The following LHFPL2 variants were observed in gnomAD, a reference collection of about 807,000 sequenced individuals.
The protein encoded by LHFPL2 is LHFPL tetraspan subfamily member 2.
Under a neutral mutation model 17.5 loss-of-function variants are expected in LHFPL2, and 7 were observed. That is an observed-to-expected ratio of 0.40 (90% CI 0.23 to 0.75). The LOEUF is 0.75. LHFPL2 is among the 30% of genes least tolerant of loss of function. The pLI, the probability that LHFPL2 is intolerant of heterozygous loss-of-function variation, is 0.37. For synonymous variants in LHFPL2, 134 were observed against 116.2 expected, an observed-to-expected ratio of 1.15 and a Z score of -0.99; for missense variants, 241 against 294.8, an observed-to-expected ratio of 0.82 and a Z score of 1.34.
chr5:78,575,353 C>G (rs911676434), intron 2 of LHFPL2, among the ~76,000 whole-genome samples: 3 of 152,098 alleles, frequency 2.0e-5, no homozygotes, highest in South Asian at 4.1e-4. Flanking sequence ...TCGAGACCAT[C>G]CTGGCTAATA....
At chr5:78,579,490 C>A (rs557034875) in intron 2 of LHFPL2, among the ~76,000 whole-genome samples, 7 of 152,280 alleles carry the variant, frequency 4.6e-5, no homozygotes, top group Middle Eastern at 6.8e-3. Flanking sequence ...TAACCCTCCC[C>A]CCTTCCCCGA....
chr5:78,500,031 A>C (rs113399409), intron 4 of LHFPL2, among the ~76,000 whole-genome samples: 1,349 of 67,672 alleles, frequency 0.02, 14 homozygotes, highest in Non-Finnish European at 0.03. Context: ...AAGGAAAAAA[A>C]AAAAAAGGCA....
intron 3 of LHFPL2, among the ~76,000 whole-genome samples, chr5:78,529,215 G>A (rs1755708001): frequency 6.6e-6 from 1 of 152,164 alleles, no homozygotes. Flanking sequence ...GAGCCCAGGG[G>A]TTCAAGGCTG....
intron 2 of LHFPL2, among the ~76,000 whole-genome samples, chr5:78,601,020 C>T (rs569109563): frequency 1.5e-3 from 230 of 152,308 alleles, no homozygotes; most frequent in Non-Finnish European, 2.5e-3. Flanking sequence ...CAACACTTGA[C>T]CAGCATGTGT....
At chr5:78,613,109 G>A (rs1162496068) in intron 2 of LHFPL2, among the ~76,000 whole-genome samples, 4 of 152,214 alleles carry the variant, frequency 2.6e-5, no homozygotes, top group Non-Finnish European at 5.9e-5. Context: ...AGGGGCAGGG[G>A]CAAGGCCAAG....
At chr5:78,642,136 T>G (rs1745689670) in intron 1 of LHFPL2, 1 of 152,130 alleles carries the variant, frequency 6.6e-6, no homozygotes, top group South Asian at 2.1e-4. Flanking sequence ...GAGAGTGAGC[T>G]CTGGTCTCTC....
At chr5:78,602,036 C>T (rs1744038286) in intron 2 of LHFPL2, among the ~76,000 whole-genome samples, 1 of 152,130 alleles carries the variant, frequency 6.6e-6, no homozygotes. Context: ...AGACTTCCCC[C>T]TACTCCTCTC....
At chr5:78,515,640 C>T (rs1276250003) in intron 3 of LHFPL2, among the ~76,000 whole-genome samples, 4 of 152,216 alleles carry the variant, frequency 2.6e-5, no homozygotes, top group Non-Finnish European at 2.9e-5. Context: ...GTTCCTGGAC[C>T]ATCTCCCAGA....
intron 3 of LHFPL2, among the ~76,000 whole-genome samples, chr5:78,530,588 T>C (rs572728208): frequency 7.7e-4 from 118 of 152,334 alleles, no homozygotes; most frequent in African/African-American, 2.6e-3. Flanking sequence ...TGTGAGTCAG[T>C]GGTTCTTCCC....
chr5:78,620,498 T>G (rs1744812961), intron 2 of LHFPL2, among the ~76,000 whole-genome samples: 1 of 152,186 alleles, frequency 6.6e-6, no homozygotes, highest in African/African-American at 2.4e-5. Flanking sequence ...GAGCAACAGA[T>G]TGAAAAGCAC....
At chr5:78,531,415 A>C (rs1329573231) in intron 3 of LHFPL2, among the ~76,000 whole-genome samples, 1 of 93,504 alleles carries the variant, frequency 1.1e-5, no homozygotes, top group Non-Finnish European at 2.6e-5. Flanking sequence ...GCAAAACTCC[A>C]TCTCAAAAAA....
At chr5:78,511,108 A>AGG (rs1561313786) in intron 3 of LHFPL2, among the ~76,000 whole-genome samples, 3 of 147,448 alleles carry the variant, frequency 2.0e-5, no homozygotes, top group Non-Finnish European at 3.0e-5. Context: ...CAGAGGGGAA[A>AGG]AAAAAAAAAC....
intron 2 of LHFPL2, among the ~76,000 whole-genome samples, chr5:78,614,179 A>G (rs991187681): frequency 6.6e-6 from 1 of 152,266 alleles, no homozygotes; most frequent in African/African-American, 2.4e-5. Flanking sequence ...ATGGCTAGAC[A>G]GTCTTTGCCC....
At chr5:78,595,347 G>A (rs182467294) in intron 2 of LHFPL2, among the ~76,000 whole-genome samples, 4 of 152,284 alleles carry the variant, frequency 2.6e-5, no homozygotes, top group African/African-American at 9.6e-5. Context: ...CAGGTCAAAT[G>A]CAGTTTAAGC....
chr5:78,522,638 T>C (rs1755491674), intron 3 of LHFPL2, among the ~76,000 whole-genome samples: 1 of 152,174 alleles, frequency 6.6e-6, no homozygotes, highest in Non-Finnish European at 1.5e-5. Context: ...CACAACCAAT[T>C]GTCCAAGGTT....
chr5:78,582,512 C>A (rs1743185216), intron 2 of LHFPL2, among the ~76,000 whole-genome samples: 1 of 151,348 alleles, frequency 6.6e-6, no homozygotes, highest in South Asian at 2.1e-4. Context: ...TTTCAAAGAA[C>A]ATCTTTATTT....
At chr5:78,528,455 C>A (rs1755684162) in intron 3 of LHFPL2, among the ~76,000 whole-genome samples, 1 of 152,180 alleles carries the variant, frequency 6.6e-6, no homozygotes, top group Non-Finnish European at 1.5e-5. Context: ...GAATCTAATA[C>A]CTGATGATCT....
intron 3 of LHFPL2, among the ~76,000 whole-genome samples, chr5:78,547,250 C>T (rs1054123837): frequency 6.6e-6 from 1 of 152,242 alleles, no homozygotes; most frequent in Admixed American, 6.5e-5. Context: ...TCAGTAACAA[C>T]AGAGGCAGAG....
intron 3 of LHFPL2, among the ~76,000 whole-genome samples, chr5:78,538,649 C>G (rs1450165305): frequency 6.6e-6 from 1 of 152,212 alleles, no homozygotes; most frequent in East Asian, 1.9e-4. Context: ...ACAACAACAA[C>G]ACCTGCCCAT....
Sources: gnomAD v4.1 joint callset for allele counts (sites outside exome capture counted in the v4.1 genomes callset) on GRCh38, gnomAD v4.1.1 for gene constraint, MANE v1.5 for transcripts, NCBI Gene and HGNC (gene_info 2026-07-23, HGNC 2026-07-21) for gene names.